The following ABCA5 variants were observed in gnomAD, a reference collection of about 807,000 sequenced individuals.
ABCA5 encodes ATP binding cassette subfamily A member 5.
ABCA5 carries 163 observed loss-of-function variants against 206.0 expected under a neutral mutation model. The ratio of observed to expected loss-of-function variants is 0.79; its 90% confidence interval spans 0.70 to 0.90. The LOEUF is 0.90. Among genes scored for constraint, ABCA5 ranks in the 40% least tolerant of loss-of-function variants. The probability of loss-of-function intolerance (pLI) is 0.00; values close to 1 mark genes in which losing one functional copy is unlikely to be tolerated. For missense variants in ABCA5, 1,859 were observed against 1,912.9 expected, an observed-to-expected ratio of 0.97 and a Z score of 0.53; for synonymous variants, 609 against 613.8, an observed-to-expected ratio of 0.99 and a Z score of 0.11.
At chr17:69,305,548 ATACTT>A (rs2075707018) in intron 6 of ABCA5, among the ~76,000 whole-genome samples, 1 of 152,142 alleles carries the variant, frequency 6.6e-6, no homozygotes, top group Non-Finnish European at 1.5e-5. Context: ...TCTCCATAAA[ATACTT>A]TAATAACCCA....
intron 22 of ABCA5, among the ~76,000 whole-genome samples, chr17:69,269,255 A>G (rs2075244403): frequency 1.3e-5 from 2 of 152,182 alleles, no homozygotes; most frequent in Non-Finnish European, 2.9e-5. Flanking sequence ...AATTGCGGTT[A>G]CTCCTACGGA....
intron 23 of ABCA5, among the ~76,000 whole-genome samples, chr17:69,266,678 TC>T (rs1385726251): frequency 1.3e-5 from 2 of 148,726 alleles, no homozygotes; most frequent in African/African-American, 4.9e-5. Context: ...AATGCAAATG[TC>T]CAGTAAATTT....
chr17:69,261,466 C>A (rs919032781), intron 25 of ABCA5, among the ~76,000 whole-genome samples, 169 bp downstream of exon 25: 1 of 151,944 alleles, frequency 6.6e-6, no homozygotes, highest in Non-Finnish European at 1.5e-5. Flanking sequence ...ATTGTTCCTA[C>A]GTGGAAAGGA....
chr17:69,262,842 CAAGAGTATAT>C (rs1483388546), intron 24 of ABCA5, among the ~76,000 whole-genome samples: 2 of 152,204 alleles, frequency 1.3e-5, no homozygotes, highest in Admixed American at 6.5e-5. Context: ...ACATTCCCAC[CAAGAGTATAT>C]AAGAGTATAT....
At position 69,261,627 on chromosome 17, in the gene ABCA5, T is replaced by G; in HGVS notation, c.3429+8A>C. 8.4e-7 allele frequency: 1 copy of G among 1,183,646 alleles called. No individual in the cohort carries two copies. Among genetic ancestry groups the G allele is most frequent in the Non-Finnish European group, 1.2e-6 (1 of 833,958 alleles). The allele number at this position is 1,183,646 out of a possible 1,614,324, so 73.3% of individuals were successfully genotyped here. The stretch of plus-strand genomic sequence containing the variant: ...TGGAAAGTTGAAATAATGTAAAATG[T>G]GACTTACCACAGAATAGATAAATGA... On this transcript the variant is annotated splice_region_variant and intron_variant, in intron 25 of 38. Coordinates refer to ENST00000392676, the MANE Select transcript of ABCA5 (RefSeq NM_172232.4).
chr17:69,314,295 A>G lies in ABCA5; in HGVS notation c.102+19T>C, dbSNP rs894895002. On this transcript the variant is annotated intron_variant, in intron 2 of 38. Coordinates refer to ENST00000392676, the MANE Select transcript of ABCA5 (RefSeq NM_172232.4). ...AAAATAAACTGCAAAAAAGCATAAG[A>G]AAGAGTTATTTAACTTACCTGAACA... 25 of 1,527,858 alleles carry G rather than the reference A, an allele frequency of 1.6e-5. No homozygotes were observed. The highest frequency in any genetic ancestry group is 1.6e-4 in the East Asian group (7 of 44,066). The allele number at this position is 1,527,858 out of a possible 1,614,324, so 94.6% of individuals were successfully genotyped here.
At chr17:69,248,347 T>TA in intron 37 of ABCA5, 30 bp from the exon 38 acceptor site, 1 of 1,357,706 alleles carries the variant, frequency 7.4e-7, no homozygotes. Flanking sequence ...GTATTTTACT[T>TA]ATCAATATCT....
At chr17:69,269,007 T>C (rs532602279) in intron 22 of ABCA5, 2 of 152,328 alleles carry the variant, frequency 1.3e-5, no homozygotes, top group South Asian at 2.1e-4. Context: ...TGAATGAGAC[T>C]ACAGTTGGAT....
intron 1 of ABCA5, among the ~76,000 whole-genome samples, chr17:69,316,051 A>G (rs189827662): frequency 7.7e-4 from 118 of 152,324 alleles, no homozygotes; most frequent in African/African-American, 2.6e-3. Flanking sequence ...AGAAAAACAC[A>G]ATAATAAATA....
intron 5 of ABCA5, 22 bp from the exon 6 acceptor site, chr17:69,306,976 ACAT>A: frequency 3.4e-6 from 5 of 1,477,120 alleles, no homozygotes; most frequent in Non-Finnish European, 4.5e-6. Context: ...AAATGTAAAT[ACAT>A]CAAATTAATT....
rs1185794881 is a variant in ABCA5, at chr17:69,246,493, G to A, written c.*1044C>T. 5 of 151,802 alleles carry A rather than the reference G, an allele frequency of 3.3e-5. No homozygotes were observed. Among genetic ancestry groups the A allele is most frequent in the African/African-American group, 7.2e-5 (3 of 41,390 alleles). 9.4% of individuals were successfully genotyped at this position (151,802 alleles called of 1,614,324 possible). On this transcript the variant is annotated 3_prime_UTR_variant, in exon 39 of 39. Coordinates refer to ENST00000392676, the MANE Select transcript of ABCA5 (RefSeq NM_172232.4). ...TGGTTCTTATTAAAAAGAAATAGGCGCACTGCACTTACAATTCTTAATTTA... is the reference window on the plus strand; with the variant it reads ...TGGTTCTTATTAAAAAGAAATAGGCACACTGCACTTACAATTCTTAATTTA...
At chr17:69,256,340 A>T in intron 28 of ABCA5, 57 bp from the exon 29 acceptor site, 1 of 1,183,266 alleles carries the variant, frequency 8.5e-7, no homozygotes, top group Non-Finnish European at 1.1e-6. Context: ...TAAAATAGTA[A>T]GAAATTCAGA....
intron 1 of ABCA5, among the ~76,000 whole-genome samples, chr17:69,323,683 T>C (rs902580561): frequency 7.9e-5 from 12 of 152,176 alleles, no homozygotes; most frequent in Non-Finnish European, 1.6e-4. Context: ...ACAACAGTCT[T>C]ATTTATCTTT....
chr17:69,300,276 G>T (rs1162559773), intron 9 of ABCA5, among the ~76,000 whole-genome samples: 1 of 152,168 alleles, frequency 6.6e-6, no homozygotes, highest in Non-Finnish European at 1.5e-5. Flanking sequence ...ACTCCTATGA[G>T]AATTGAATGC....
In ABCA5 at chr17:69,247,500, G is replaced by T. The variant is rs756030188; in HGVS notation, c.*37C>A. ...ACCAAAGTTAAAATTAAGTGAAAAA[G>T]AAAGAAGTCCCAGTAAGCAGACCGA... On this transcript the variant is annotated 3_prime_UTR_variant, in exon 39 of 39. Transcript: ENST00000392676. 7.3e-6 allele frequency: 10 copies of T among 1,370,090 alleles called. No individual in the cohort carries two copies. The highest frequency in any genetic ancestry group is 9.0e-6 in the Non-Finnish European group (9 of 999,960). The allele number at this position is 1,370,090 out of a possible 1,614,324, so 84.9% of individuals were successfully genotyped here.
Position 69,264,825 on chromosome 17 carries a change from G to C in ABCA5, c.3225C>G (p.Pro1075=), listed in dbSNP as rs1293674898. 12 of 1,600,488 alleles carry C rather than the reference G, an allele frequency of 7.5e-6. No homozygotes were observed. Among genetic ancestry groups the C allele is most frequent in the Non-Finnish European group, 9.4e-6 (11 of 1,173,620 alleles). ...TCAAAATAAGAATGATAAAAAATAAGGGGATATCAACAACAGCTTGTCCAA... is the reference window on the plus strand; with the variant it reads ...TCAAAATAAGAATGATAAAAAATAACGGGATATCAACAACAGCTTGTCCAA... ...YWIGQAVVDI[P]LFFIILILML... Residue 1075 remains proline, a synonymous_variant, in exon 24 of 39, where the codon CCC becomes CCG. Coordinates refer to ENST00000392676, the MANE Select transcript of ABCA5 (RefSeq NM_172232.4).
At chr17:69,318,070 T>G (rs925451442) in intron 1 of ABCA5, among the ~76,000 whole-genome samples, 3 of 152,102 alleles carry the variant, frequency 2.0e-5, no homozygotes, top group African/African-American at 7.2e-5. Context: ...GACCATCTGT[T>G]GCAAGCTGGA....
At chr17:69,249,782 T>C (rs1374126825) in intron 37 of ABCA5, 123 bp downstream of exon 37, 5 of 1,274,360 alleles carry the variant, frequency 3.9e-6, no homozygotes, top group Non-Finnish European at 5.4e-6. Flanking sequence ...CTTTCATAAT[T>C]TGAGAGCTAC....
chr17:69,271,133 T>G (rs752422484), intron 21 of ABCA5, 29 bp downstream of exon 21: 1 of 1,593,928 alleles, frequency 6.3e-7, no homozygotes, highest in Non-Finnish European at 8.5e-7. Context: ...AACTCCCAAA[T>G]GGATATTCAT....
Sources: allele counts gnomAD v4.1 joint callset (sites outside exome capture counted in the v4.1 genomes callset), GRCh38; gene constraint gnomAD v4.1.1; transcripts MANE v1.5; gene names NCBI Gene and HGNC (gene_info 2026-07-23, HGNC 2026-07-21).